The following HOXC8 variants were observed in gnomAD, a reference collection of about 807,000 sequenced individuals.
HOXC8 encodes the protein homeobox protein Hox-C8.
HOXC8 carries 14 observed loss-of-function variants against 25.8 expected under a neutral mutation model. That is an observed-to-expected ratio of 0.54 (90% CI 0.36 to 0.85). The LOEUF (loss-of-function observed/expected upper bound fraction) is 0.85. Ranked by LOEUF, HOXC8 falls within the 40% of genes least tolerant of loss-of-function variation. HOXC8 has a pLI of 0.01. For missense variants in HOXC8, 316 were observed against 308.8 expected (o/e 1.02, Z -0.17); for synonymous variants, 144 against 124.6 (o/e 1.16, Z -1.04).
At position 54,009,359 on chromosome 12, in the gene HOXC8, C is replaced by G; in HGVS notation, c.75C>G (p.Asp25Glu). The change falls in exon 1 of 2, where the codon GAC becomes GAG. Residue 25 changes from aspartate to glutamate, a missense_variant. By Grantham distance (45) the Asp-to-Glu change is conservative. Coordinates refer to ENST00000040584, the MANE Select transcript of HOXC8 (RefSeq NM_022658.4). This position sits in a 1 kb window ranked among gnomAD's most constrained non-coding sequence, Gnocchi z 5.0. ...AGESLEPAYYDCRFPQSVGRS... is the reference protein window; with the variant it reads ...AGESLEPAYYECRFPQSVGRS... ...AGTCCCTGGAACCGGCCTATTACGACTGCCGGTTCCCTCAGAGCGTGGGCA... is the reference window on the plus strand; with the variant it reads ...AGTCCCTGGAACCGGCCTATTACGAGTGCCGGTTCCCTCAGAGCGTGGGCA... The G allele has an allele frequency of 1.9e-6, 3 of 1,613,430 alleles. No homozygotes were observed. The highest frequency in any genetic ancestry group is 2.5e-6 in the Non-Finnish European group (3 of 1,179,466).
In HOXC8 at chr12:54,009,907, G is replaced by A. The variant is rs1196158965; in HGVS notation, c.436+187G>A. Among the ~76,000 whole-genome samples, 1 of 152,170 alleles carries A rather than the reference G, an allele frequency of 6.6e-6. No individual in the cohort carries two copies. Among genetic ancestry groups the A allele is most frequent in the Non-Finnish European group, 1.5e-5 (1 of 68,038 alleles). ...GCTCCGCTGGGGCGGGGCAGGGAGG[G>A]GGTGCCTAGAACATTTAGGGGATTG... On this transcript the variant is annotated intron_variant, in intron 1 of 1. Coordinates refer to ENST00000040584, the MANE Select transcript of HOXC8 (RefSeq NM_022658.4). The surrounding 1 kb of genome is among the most constrained non-coding windows in gnomAD (Gnocchi z 5.0).
chr12:54,010,256 ACCT>A (rs1289256657), intron 1 of HOXC8, among the ~76,000 whole-genome samples: 1 of 151,784 alleles, frequency 6.6e-6, no homozygotes, highest in African/African-American at 2.4e-5. Flanking sequence ...GGCACCCATA[ACCT>A]CCTCTCAGAG....
Position 54,011,370 on chromosome 12 carries a change from A to C in HOXC8, c.718A>C (p.Asn240His). 2 of 1,486,146 alleles carry C rather than the reference A, an allele frequency of 1.3e-6. No individual in the cohort carries two copies. 92.1% of individuals were successfully genotyped at this position (1,486,146 alleles called of 1,614,324 possible). A position where few individuals can be genotyped will look rare whatever the true frequency, so the allele number is the denominator to read the frequency against. Residue 240 changes from asparagine to histidine, a missense_variant, in exon 2 of 2, where the codon AAC (asparagine) becomes CAC (histidine). By Grantham distance (68) the Asn-to-His change is moderately conservative. Transcript: ENST00000040584. ...EEKEEEEKEE[N>H]KD ...GAAAGAAGAGGAGGAAAAGGAAGAA[A>C]ACAAGGACTAAGCAAAAAAGAAAGA...
Position 54,010,604 on chromosome 12 carries a change from C to T in HOXC8, c.437-485C>T, listed in dbSNP as rs527690553. On this transcript the variant is annotated intron_variant, in intron 1 of 1. Coordinates refer to ENST00000040584, the MANE Select transcript of HOXC8 (RefSeq NM_022658.4). ...GTCTCCAGTTAGCAATCAGGCGGAG[C>T]GGTGACACATTCCAGCAGATCAATT... Among the ~76,000 whole-genome samples, 4 of 152,304 alleles carry T rather than the reference C, an allele frequency of 2.6e-5. No individual in the cohort carries two copies. The South Asian group carries it at 8.3e-4, about 32-fold the overall frequency.
intron 1 of HOXC8, among the ~76,000 whole-genome samples, chr12:54,010,478 G>A (rs931125248): frequency 2.6e-5 from 4 of 152,196 alleles, no homozygotes; most frequent in Non-Finnish European, 4.4e-5. Flanking sequence ...CTTAGGTCAT[G>A]AGCCCCTCCA....
chr12:54,011,859 GGA>G lies in HOXC8; in HGVS notation c.*479_*480del, dbSNP rs1940002566. 6.6e-6 allele frequency: 1 copy of G among 152,098 alleles called. No homozygotes were observed. The highest frequency in any genetic ancestry group is 6.6e-5 in the Admixed American group (1 of 15,260). The allele number at this position is 152,098 out of a possible 1,614,324, so 9.4% of individuals were successfully genotyped here. On this transcript the variant is annotated 3_prime_UTR_variant, in exon 2 of 2. Transcript: ENST00000040584. ...GTACTAGATGTACTTTTTCTAAAAA[GGA>G]AAGGACAGAAAAAAATGAAGAAAGG... is the stretch of plus-strand genomic sequence containing the variant.
Position 54,009,349 on chromosome 12 carries a change from C to T in HOXC8, c.65C>T (p.Ala22Val), listed in dbSNP as rs373994805. 1.2e-5 allele frequency: 19 copies of T among 1,612,736 alleles called. No individual in the cohort carries two copies. The African/African-American group carries it at 2.0e-4, about 17-fold the overall frequency. ...AAAGCCGGCGAGTCCCTGGAACCGGCCTATTACGACTGCCGGTTCCCTCAG... is the reference window on the plus strand; with the variant it reads ...AAAGCCGGCGAGTCCCTGGAACCGGTCTATTACGACTGCCGGTTCCCTCAG... ...KYKAGESLEPAYYDCRFPQSV... is the reference protein window; with the variant it reads ...KYKAGESLEPVYYDCRFPQSV... The change falls in exon 1 of 2, where the codon GCC becomes GTC. Residue 22 changes from alanine (A) to valine (V), a missense_variant. Coordinates refer to ENST00000040584, the MANE Select transcript of HOXC8 (RefSeq NM_022658.4). The surrounding 1 kb of genome is among the most constrained non-coding windows in gnomAD (Gnocchi z 5.0).
rs760080757 is a variant in HOXC8 at position 54,012,583 on chromosome 12, C to T, written c.*1202C>T. Among the ~76,000 whole-genome samples, 1 of 152,020 alleles carries T rather than the reference C, an allele frequency of 6.6e-6. No individual in the cohort carries two copies. Among genetic ancestry groups the T allele is most frequent in the Non-Finnish European group, 1.5e-5 (1 of 68,022 alleles). On this transcript the variant is annotated 3_prime_UTR_variant, in exon 2 of 2. Transcript: ENST00000040584. Reference sequence around the variant, plus strand: ...TGTATAGTTAACTCTGTCTTGAATTCTCTGTTTATGCAATGTGCTCGAAAG... The same window carrying T: ...TGTATAGTTAACTCTGTCTTGAATTTTCTGTTTATGCAATGTGCTCGAAAG...
intron 1 of HOXC8, 40 bp from the exon 2 acceptor site, chr12:54,011,049 C>A: frequency 6.8e-7 from 1 of 1,463,314 alleles, no homozygotes; most frequent in South Asian, 1.1e-5. Context: ...AACCAAGCCC[C>A]CATCCAAACG....
In HOXC8 at chr12:54,009,839, A is replaced by C; in HGVS notation, c.436+119A>C. 2 of 867,510 alleles carry C rather than the reference A, an allele frequency of 2.3e-6. No homozygotes were observed. The highest frequency in any genetic ancestry group is 1.8e-6 in the Non-Finnish European group (1 of 559,358). 53.7% of individuals were successfully genotyped at this position (867,510 alleles called of 1,614,324 possible). On this transcript the variant is annotated intron_variant, in intron 1 of 1. Transcript: ENST00000040584. The surrounding 1 kb of genome is among the most constrained non-coding windows in gnomAD (Gnocchi z 5.0). ...CTGGCTTTGGGGTCTCTCCCGCCCC[A>C]CCCCCGTGCCTGTGCCTGGGTGGTT...
chr12:54,011,507 T>G lies in HOXC8; in HGVS notation c.*126T>G. 3 of 1,160,070 alleles carry G rather than the reference T, an allele frequency of 2.6e-6. No individual in the cohort carries two copies. The highest frequency in any genetic ancestry group is 3.4e-6 in the Non-Finnish European group (3 of 872,502). 71.9% of individuals were successfully genotyped at this position (1,160,070 alleles called of 1,614,324 possible). A position where few individuals can be genotyped will look rare whatever the true frequency, so the allele number is the denominator to read the frequency against. The stretch of plus-strand genomic sequence containing the variant: ...GAGAATAGAATGACACTCACAACTC[T>G]AACTACCTGTCAGATACTTGCAGCT... On this transcript the variant is annotated 3_prime_UTR_variant, in exon 2 of 2. Coordinates refer to ENST00000040584, the MANE Select transcript of HOXC8 (RefSeq NM_022658.4).
chr12:54,009,840 C>A lies in HOXC8; in HGVS notation c.436+120C>A. On this transcript the variant is annotated intron_variant, in intron 1 of 1. Transcript: ENST00000040584. The surrounding 1 kb of genome is among the most constrained non-coding windows in gnomAD (Gnocchi z 5.0). ...TGGCTTTGGGGTCTCTCCCGCCCCA[C>A]CCCCGTGCCTGTGCCTGGGTGGTTT... 2 of 862,446 alleles carry A rather than the reference C, an allele frequency of 2.3e-6. No homozygotes were observed. The highest frequency in any genetic ancestry group is 1.7e-5 in the South Asian group (1 of 60,196). The allele number at this position is 862,446 out of a possible 1,614,324, so 53.4% of individuals were successfully genotyped here.
At chr12:54,011,042 C>G in intron 1 of HOXC8, 47 bp from the exon 2 acceptor site, 1 of 1,414,318 alleles carries the variant, frequency 7.1e-7, no homozygotes, top group South Asian at 1.2e-5. Flanking sequence ...AAAGGAAAAC[C>G]AAGCCCCCAT....
At position 54,011,554 on chromosome 12, in the gene HOXC8, T is replaced by G; in HGVS notation, c.*173T>G. Reference sequence around the variant, plus strand: ...AGCTCTGGTTTTATTACCTTTGGACTTCCCCCACTCTTTATTTGTTTGGGG... The same window carrying G: ...AGCTCTGGTTTTATTACCTTTGGACGTCCCCCACTCTTTATTTGTTTGGGG... On this transcript the variant is annotated 3_prime_UTR_variant, in exon 2 of 2. Transcript: ENST00000040584. 1.7e-5 allele frequency: 13 copies of G among 755,256 alleles called. No individual in the cohort carries two copies. The highest frequency in any genetic ancestry group is 3.3e-5 in the East Asian group (1 of 29,890). 46.8% of individuals were successfully genotyped at this position (755,256 alleles called of 1,614,324 possible).
rs776395132 is a variant in HOXC8 at position 54,009,562 on chromosome 12, C to G, written c.278C>G (p.Ala93Gly). 27 of 1,614,214 alleles carry G rather than the reference C, an allele frequency of 1.7e-5. No homozygotes were observed. The highest frequency in any genetic ancestry group is 2.3e-5 in the Non-Finnish European group (27 of 1,180,042). The part of the protein sequence containing the change: ...GDASKFYGYE[A>G]LPRQSLYGAQ... ...GCCTCCAAATTCTATGGCTACGAGG[C>G]GCTCCCCAGACAGTCCCTTTATGGG... Residue 93 changes from alanine to glycine, a missense_variant, in exon 1 of 2, where the codon GCG (alanine) becomes GGG (glycine). Transcript: ENST00000040584. This position sits in a 1 kb window ranked among gnomAD's most constrained non-coding sequence, Gnocchi z 5.0.
chr12:54,009,691 G>A lies in HOXC8; in HGVS notation c.407G>A (p.Ser136Asn). 5.0e-6 allele frequency: 8 copies of A among 1,614,166 alleles called. No individual in the cohort carries two copies. Among genetic ancestry groups the A allele is most frequent in the African/African-American group, 1.3e-5 (1 of 75,050 alleles). Residue 136 changes from serine (S) to asparagine (N), a missense_variant, in exon 1 of 2, where the codon AGC (serine) becomes AAC (asparagine). Physicochemically the swap from Ser to Asn is conservative, Grantham distance 46. Coordinates refer to ENST00000040584, the MANE Select transcript of HOXC8 (RefSeq NM_022658.4). This position sits in a 1 kb window ranked among gnomAD's most constrained non-coding sequence, Gnocchi z 5.0. ...QGHLNQNSSP[S>N]LMFPWMRPHA... ...CACTTAAATCAAAACTCGTCTCCCAGCCTCATGTTTCCATGGATGAGACCC... is the reference window on the plus strand; with the variant it reads ...CACTTAAATCAAAACTCGTCTCCCAACCTCATGTTTCCATGGATGAGACCC...
rs1939923203 is a variant in HOXC8, at chr12:54,009,204, G to A, written c.-81G>A. The A allele has an allele frequency of 7.2e-6, 9 of 1,245,528 alleles. No homozygotes were observed. In the South Asian group the frequency reaches 9.9e-5, roughly 14 times the overall value. The allele number at this position is 1,245,528 out of a possible 1,614,324, so 77.2% of individuals were successfully genotyped here. A position where few individuals can be genotyped will look rare whatever the true frequency, so the allele number is the denominator to read the frequency against. On this transcript the variant is annotated 5_prime_UTR_variant, in exon 1 of 2. Transcript: ENST00000040584. The surrounding 1 kb of genome is among the most constrained non-coding windows in gnomAD (Gnocchi z 5.0). The stretch of plus-strand genomic sequence containing the variant: ...CCAGCTGGCCTGGGGTTCGGTCCCG[G>A]GGGGAGGGGAGTTTCGGGGGTACTG...
rs1195818907 is a variant in HOXC8 at position 54,009,419 on chromosome 12, G to A, written c.135G>A (p.Ser45=). The A allele has an allele frequency of 4.3e-6, 7 of 1,613,924 alleles. No individual in the cohort carries two copies. Among genetic ancestry groups the A allele is most frequent in the Non-Finnish European group, 5.1e-6 (6 of 1,179,990 alleles). Residue 45 remains serine, a synonymous_variant, in exon 1 of 2, where the codon TCG becomes TCA. Transcript: ENST00000040584. The surrounding 1 kb of genome is among the most constrained non-coding windows in gnomAD (Gnocchi z 5.0). ...SHALVYGPGG[S]APGFQHASHH... The stretch of plus-strand genomic sequence containing the variant: ...CGCTGGTGTACGGGCCCGGCGGCTC[G>A]GCGCCCGGCTTCCAGCACGCTTCGC...
At chr12:54,010,990 C>T in intron 1 of HOXC8, 99 bp from the exon 2 acceptor site, 1 of 796,656 alleles carries the variant, frequency 1.3e-6, no homozygotes, top group Non-Finnish European at 2.1e-6. Flanking sequence ...GGGAGGCGAA[C>T]TGAGGAGATC....
Sources: allele counts gnomAD v4.1 joint callset (sites outside exome capture counted in the v4.1 genomes callset), GRCh38; gene constraint gnomAD v4.1.1; non-coding constraint Gnocchi (gnomAD v3.1); transcripts MANE v1.5; gene names NCBI Gene and HGNC (gene_info 2026-07-23, HGNC 2026-07-21).